Variants in VGLL4 observed in about 807,000 individuals in gnomAD.
The protein encoded by VGLL4 is transcription cofactor vestigial-like protein 4.
VGLL4 carries 7 observed loss-of-function variants against 21.0 expected under a neutral mutation model. The ratio of observed to expected loss-of-function variants is 0.33; its 90% CI spans 0.19 to 0.63. The LOEUF is 0.63. VGLL4 is among the 20% of genes least tolerant of loss of function. VGLL4 has a pLI of 0.78. For missense variants in VGLL4, 394 were observed against 425.7 expected, an observed-to-expected ratio of 0.93 and a Z score of 0.66; for synonymous variants, 222 against 173.2, an observed-to-expected ratio of 1.28 and a Z score of -2.21.
intron 1 of VGLL4, among the ~76,000 whole-genome samples, chr3:11,709,409 C>A (rs2076806986): frequency 6.7e-6 from 1 of 148,214 alleles, no homozygotes; most frequent in South Asian, 2.1e-4. Flanking sequence ...TGCACTCCAG[C>A]CCAGGGAACA....
rs188037750 is a variant in VGLL4 at position 11,657,233 on chromosome 3, C to G, written c.64+45738G>C. Among the ~76,000 whole-genome samples, 47 of 152,248 alleles carry G rather than the reference C, an allele frequency of 3.1e-4. 1 individual carries two copies. The highest frequency in any genetic ancestry group is 1.1e-3 in the African/African-American group (44 of 41,536). On this transcript the variant is annotated intron_variant, in intron 2 of 5. Transcript: ENST00000273038. ...TAAAATCCAAGGACTCCGATCATTC[C>G]TCTTTTCCCTCTCCACTCTTCCCCA...
intron 2 of VGLL4, among the ~76,000 whole-genome samples, chr3:11,599,099 G>A (rs967248582): frequency 4.6e-5 from 7 of 152,212 alleles, no homozygotes; most frequent in Non-Finnish European, 1.0e-4. Context: ...AAGACAGGCA[G>A]CATCTTTCCA....
chr3:11,659,230 G>A (rs1163779911), intron 2 of VGLL4, among the ~76,000 whole-genome samples: 2 of 151,724 alleles, frequency 1.3e-5, no homozygotes, highest in Non-Finnish European at 2.9e-5. Context: ...TATCACAGAG[G>A]GCAGAACATA....
chr3:11,708,084 T>C (rs576701027), intron 1 of VGLL4, among the ~76,000 whole-genome samples: 3 of 152,322 alleles, frequency 2.0e-5, no homozygotes, highest in African/African-American at 4.8e-5. Context: ...TTCCAATCTA[T>C]GTAACCCTGG....
intron 2 of VGLL4, chr3:11,693,129 C>T: frequency 4.7e-6 from 1 of 213,752 alleles, no homozygotes; most frequent in Non-Finnish European, 1.0e-5. Context: ...CAAGATTGTG[C>T]CACTATACTC....
chr3:11,586,117 G>A (rs1440496686), intron 2 of VGLL4, among the ~76,000 whole-genome samples: 3 of 152,160 alleles, frequency 2.0e-5, no homozygotes, highest in Non-Finnish European at 4.4e-5. Context: ...TAAAAAGAAT[G>A]TAAAAGAATT....
chr3:11,710,652 C>T (rs2076829931), intron 1 of VGLL4: 1 of 152,182 alleles, frequency 6.6e-6, no homozygotes, highest in South Asian at 2.1e-4. Context: ...TCCTGTTGGC[C>T]CTGTTCCTTC....
At chr3:11,627,595 CAAAAAAA>C (rs57607183) in intron 1 of VGLL4, among the ~76,000 whole-genome samples, 49,704 of 118,884 alleles carry the variant, frequency 0.42, 9,687 homozygotes, top group Non-Finnish European at 0.52. Context: ...AACTTCATCT[CAAAAAAA>C]AAAAAAAAAA....
intron 1 of VGLL4, among the ~76,000 whole-genome samples, chr3:11,716,299 T>A (rs551097862): frequency 2.2e-3 from 285 of 130,350 alleles, no homozygotes; most frequent in Admixed American, 3.3e-3. Context: ...TGAAACTCTG[T>A]CTCAAAAAAA....
At chr3:11,656,775 G>T (rs2075965012) in intron 2 of VGLL4, among the ~76,000 whole-genome samples, 1 of 152,144 alleles carries the variant, frequency 6.6e-6, no homozygotes, top group African/African-American at 2.4e-5. Flanking sequence ...AAAGAACTAG[G>T]TTTCTAGCCA....
intron 1 of VGLL4, among the ~76,000 whole-genome samples, chr3:11,634,813 G>A (rs1235158913): frequency 6.6e-6 from 1 of 152,010 alleles, no homozygotes; most frequent in Non-Finnish European, 1.5e-5. Flanking sequence ...GAGTATCTGG[G>A]ATCGCGCACC....
chr3:11,632,146 T>C (rs535005738), intron 1 of VGLL4, among the ~76,000 whole-genome samples: 1 of 152,082 alleles, frequency 6.6e-6, no homozygotes, highest in South Asian at 2.1e-4. Context: ...AAACCCTGCC[T>C]TACTAAAAAT....
chr3:11,624,350 G>A (rs575919606), intron 1 of VGLL4, among the ~76,000 whole-genome samples: 19 of 152,240 alleles, frequency 1.2e-4, no homozygotes, highest in African/African-American at 4.6e-4. Context: ...GCACATGGGA[G>A]AACTGATGAT....
At chr3:11,680,814 C>T (rs540138095) in intron 2 of VGLL4, among the ~76,000 whole-genome samples, 3 of 152,350 alleles carry the variant, frequency 2.0e-5, no homozygotes, top group East Asian at 3.9e-4. Context: ...AAGCTGCGAG[C>T]CCTGCAAAGC....
upstream of VGLL4, among the ~76,000 whole-genome samples, chr3:11,648,349 T>C (rs78128090): frequency 6.2e-3 from 945 of 152,322 alleles, 4 homozygotes; most frequent in Middle Eastern, 0.01. Context: ...CACTTTGCCT[T>C]ATACTGTACA....
At chr3:11,658,019 G>C (rs1487347928) in intron 2 of VGLL4, among the ~76,000 whole-genome samples, 1 of 82 alleles carries the variant, frequency 0.012, no homozygotes, top group Non-Finnish European at 0.029. Flanking sequence ...TCAACCTCCG[G>C]GACTTTAAAA....
At chr3:11,614,482 G>A (rs756491281) in intron 1 of VGLL4, among the ~76,000 whole-genome samples, 7 of 152,220 alleles carry the variant, frequency 4.6e-5, no homozygotes, top group Non-Finnish European at 1.0e-4. Flanking sequence ...GCTGAAGGAA[G>A]GCTGTGTATA....
intron 1 of VGLL4, among the ~76,000 whole-genome samples, chr3:11,623,929 A>G (rs1337742779): frequency 6.6e-6 from 1 of 151,530 alleles, no homozygotes; most frequent in East Asian, 1.9e-4. Flanking sequence ...TTTTGTAGAG[A>G]TGGGGTTTTA....
At position 11,719,415 on chromosome 3, in the gene VGLL4, A is replaced by C. The variant is rs966204056; in HGVS notation, c.-14+979T>G. ...CCCGCCGACCGGGTCAACCGCACTC[A>C]CCGCCCGGCGGCTCTGGGCGCGCCC... On this transcript the variant is annotated intron_variant, in intron 1 of 5. Coordinates refer to the VGLL4 transcript ENST00000273038. The surrounding 1 kb of genome is among the most constrained non-coding windows in gnomAD (Gnocchi z 4.0). 3 of 151,172 alleles carry C rather than the reference A, an allele frequency of 2.0e-5. No homozygotes were observed. Among genetic ancestry groups the C allele is most frequent in the Non-Finnish European group, 4.4e-5 (3 of 67,740 alleles). 9.4% of individuals were successfully genotyped at this position (151,172 alleles called of 1,614,324 possible).
Sources: allele counts gnomAD v4.1 joint callset (sites outside exome capture counted in the v4.1 genomes callset), GRCh38; gene constraint gnomAD v4.1.1; non-coding constraint Gnocchi (gnomAD v3.1); transcripts MANE v1.5; gene names NCBI Gene and HGNC (gene_info 2026-07-23, HGNC 2026-07-21).